Variants in UST observed in about 807,000 individuals in gnomAD.
UST encodes chondroitin sulfate 2-O-sulfotransferase.
UST carries 21 observed loss-of-function variants against 45.6 expected under a neutral mutation model. The observed-to-expected ratio is 0.46, with a 90% confidence interval of 0.33 to 0.66. UST has a LOEUF of 0.66. Among genes scored for constraint, UST ranks in the 30% least tolerant of loss-of-function variants. The pLI, the probability that UST is intolerant of heterozygous loss-of-function variation, is 0.02. For synonymous variants in UST, 215 were observed against 200.6 expected (o/e 1.07, Z -0.61); for missense variants, 463 against 512.4 (o/e 0.90, Z 0.93).
At chr6:148,815,235 A>G (rs1777332953) in intron 1 of UST, among the ~76,000 whole-genome samples, 2 of 152,248 alleles carry the variant, frequency 1.3e-5, no homozygotes, top group African/African-American at 4.8e-5. Context: ...ATAGTATAAC[A>G]TTTGTCTGGA....
At chr6:148,821,039 G>A (rs1478246975) in intron 1 of UST, among the ~76,000 whole-genome samples, 5 of 126,798 alleles carry the variant, frequency 3.9e-5, no homozygotes, top group South Asian at 2.8e-4. Context: ...GCATGATCTC[G>A]GCTCACTGCA....
At chr6:148,892,028 A>T (rs565552279) in intron 2 of UST, among the ~76,000 whole-genome samples, 5 of 152,348 alleles carry the variant, frequency 3.3e-5, no homozygotes, top group South Asian at 2.1e-4. Context: ...CTTTTCACAA[A>T]ATATTATTTG....
chr6:148,761,941 C>T (rs1233165308), intron 1 of UST, among the ~76,000 whole-genome samples: 2 of 152,152 alleles, frequency 1.3e-5, no homozygotes, highest in African/African-American at 2.4e-5. Context: ...AATGGAGAAA[C>T]GATTCCAGAA....
intron 3 of UST, among the ~76,000 whole-genome samples, chr6:148,949,292 A>AAAT (rs56946786): frequency 0.078 from 10,974 of 141,170 alleles, 454 homozygotes; most frequent in East Asian, 0.11. Context: ...CTTCGTCTCA[A>AAAT]AATAATAATA....
chr6:148,939,842 C>T (rs1315089100), intron 2 of UST, among the ~76,000 whole-genome samples: 1 of 152,108 alleles, frequency 6.6e-6, no homozygotes, highest in African/African-American at 2.4e-5. Flanking sequence ...AAAACCAAAA[C>T]AACCAGAGAA....
chr6:149,031,102 G>T (rs1274859569), intron 7 of UST, among the ~76,000 whole-genome samples: 5 of 152,018 alleles, frequency 3.3e-5, no homozygotes, highest in Non-Finnish European at 7.4e-5. Flanking sequence ...AGCTACTCAG[G>T]AGGCTGAGGC....
chr6:149,007,700 AG>A (rs1484267959), intron 5 of UST, among the ~76,000 whole-genome samples: 2 of 151,912 alleles, frequency 1.3e-5, no homozygotes, highest in Non-Finnish European at 2.9e-5. Flanking sequence ...CTGGGATTAC[AG>A]GCGTGAGCCA....
intron 2 of UST, among the ~76,000 whole-genome samples, chr6:148,932,054 A>G (rs752577641): frequency 2.6e-5 from 4 of 152,174 alleles, no homozygotes; most frequent in African/African-American, 4.8e-5. Context: ...ATGGATTCCT[A>G]TGGACCCAAC....
intron 3 of UST, among the ~76,000 whole-genome samples, chr6:148,952,728 G>T (rs1051076070): frequency 1.3e-5 from 2 of 152,250 alleles, no homozygotes; most frequent in Admixed American, 1.3e-4. Context: ...GACTGGTTTT[G>T]TTTCCAGTTT....
intron 1 of UST, among the ~76,000 whole-genome samples, chr6:148,763,808 G>A (rs1014738584): frequency 2.0e-5 from 3 of 152,086 alleles, no homozygotes; most frequent in African/African-American, 7.2e-5. Flanking sequence ...TTGGTTGTAG[G>A]TAAGCGGCTT....
At chr6:148,834,551 A>G (rs1777750809) in intron 1 of UST, among the ~76,000 whole-genome samples, 3 of 152,184 alleles carry the variant, frequency 2.0e-5, no homozygotes, top group African/African-American at 7.2e-5. Context: ...CCTGAGCAAT[A>G]TGACGAAACC....
At position 149,073,946 on chromosome 6, in the gene UST, G is replaced by A. The variant is rs780188457; in HGVS notation, c.1051G>A (p.Val351Ile). The A allele has an allele frequency of 9.3e-6, 15 of 1,613,998 alleles. No homozygotes were observed. Among genetic ancestry groups the A allele is most frequent in the African/African-American group, 5.3e-5 (4 of 74,878 alleles). ...MRYEYEFYHYVKEQFHLLKRK... is the reference protein window; with the variant it reads ...MRYEYEFYHYIKEQFHLLKRK... The stretch of plus-strand genomic sequence containing the variant: ...ATACGAGTACGAGTTTTACCACTAC[G>A]TCAAAGAGCAGTTCCACCTGCTGAA... Residue 351 changes from valine to isoleucine, a missense_variant, in exon 8 of 8, where the codon GTC (valine) becomes ATC (isoleucine). Physicochemically the swap from Val to Ile is conservative, Grantham distance 29. This residue lies in a region of UST where 287 missense variants were observed against 374.2 expected (regional missense o/e 0.77). Coordinates refer to ENST00000367463, the MANE Select transcript of UST (RefSeq NM_005715.3).
At chr6:149,008,309 T>TAAACA (rs1775749035) in intron 5 of UST, among the ~76,000 whole-genome samples, 1 of 152,232 alleles carries the variant, frequency 6.6e-6, no homozygotes, top group Non-Finnish European at 1.5e-5. Context: ...TTCTAAGGTC[T>TAAACA]TAGATGTTTG....
intron 3 of UST, among the ~76,000 whole-genome samples, chr6:148,953,343 G>T (rs1346149298): frequency 6.6e-6 from 1 of 152,126 alleles, no homozygotes; most frequent in Non-Finnish European, 1.5e-5. Context: ...AATCTGTCAC[G>T]TTGCTTTCAT....
intron 2 of UST, among the ~76,000 whole-genome samples, chr6:148,926,592 G>A (rs569758805): frequency 9.2e-5 from 14 of 152,348 alleles, no homozygotes; most frequent in African/African-American, 3.4e-4. Flanking sequence ...AACTCTAGGC[G>A]TGGTGTCTGT....
Position 148,924,728 on chromosome 6 carries a change from C to T in UST, c.292-16551C>T, listed in dbSNP as rs146458475. 8.7e-3 allele frequency among the ~76,000 whole-genome samples: 1,326 copies of T among 152,220 alleles called. 8 individuals carry two copies. Among genetic ancestry groups the T allele is most frequent in the Non-Finnish European group, 0.01 (698 of 68,002 alleles). ...TTCTTGGTAATTCACAACTCCCTTT[C>T]GGAGAAGAAACTTGGCCTGTGGGTA... On this transcript the variant is annotated intron_variant, in intron 2 of 7. Transcript: ENST00000367463.
intron 7 of UST, among the ~76,000 whole-genome samples, chr6:149,056,141 T>TTTTTG (rs1776562446): frequency 9.9e-6 from 1 of 100,974 alleles, no homozygotes; most frequent in Non-Finnish European, 2.0e-5. Context: ...TTTTTTTTTT[T>TTTTTG]TTGAAATGGG....
At chr6:148,940,324 CAA>C (rs549981409) in intron 2 of UST, among the ~76,000 whole-genome samples, 11,447 of 140,470 alleles carry the variant, frequency 0.081, 518 homozygotes, top group Middle Eastern at 0.12. Context: ...CTGTCTCTAC[CAA>C]AAAAAAAAAA....
chr6:148,826,285 G>A (rs1380384351), intron 1 of UST, among the ~76,000 whole-genome samples: 1 of 152,126 alleles, frequency 6.6e-6, no homozygotes, highest in African/African-American at 2.4e-5. Context: ...GCTAATTTTT[G>A]TACTTTTAGT....
Sources: allele counts gnomAD v4.1 joint callset (sites outside exome capture counted in the v4.1 genomes callset), GRCh38; gene constraint gnomAD v4.1.1; regional missense constraint gnomAD v4.1.1; transcripts MANE v1.5; gene names NCBI Gene and HGNC (gene_info 2026-07-23, HGNC 2026-07-21).